EXOG: variants seen among roughly 807,000 people sequenced by gnomAD.
The protein encoded by EXOG is nuclease EXOG, mitochondrial.
Under a neutral mutation model 25.8 loss-of-function variants are expected in EXOG, and 27 were observed. The observed-to-expected ratio is 1.05, with a 90% CI of 0.77 to 1.45. EXOG has a LOEUF of 1.45. Among genes scored for constraint, EXOG ranks in the 40% most tolerant of loss-of-function variants. EXOG has a pLI of 0.00. For synonymous variants in EXOG, 133 were observed against 167.0 expected (o/e 0.80, Z 1.57); for missense variants, 458 against 450.5 (o/e 1.02, Z -0.15).
At chr3:38,518,207 A>G (rs2060605812) in intron 5 of EXOG, among the ~76,000 whole-genome samples, 1 of 152,220 alleles carries the variant, frequency 6.6e-6, no homozygotes, top group Admixed American at 6.5e-5. Flanking sequence ...ATATGCTGAG[A>G]AAACAGTTAA....
At chr3:38,497,075 C>CAA (rs5848435) in intron 1 of EXOG, 80,686 of 889,082 alleles carry the variant, frequency 0.091, 3,800 homozygotes, top group African/African-American at 0.37. Context: ...TTATATTTGA[C>CAA]AAAAAAAAAA....
chr3:38,499,998 G>T, intron 2 of EXOG: 1 of 221,250 alleles, frequency 4.5e-6, no homozygotes, highest in Non-Finnish European at 9.2e-6. Flanking sequence ...GTCTTGCAGT[G>T]TAGGAGACCC....
At chr3:38,523,875 C>T (rs2060799087) in intron 5 of EXOG, 26 bp from the exon 6 acceptor site, 4 of 1,499,046 alleles carry the variant, frequency 2.7e-6, no homozygotes, top group African/African-American at 2.8e-5. Flanking sequence ...AAATTGGCAT[C>T]ACTAATATGG....
rs139945103 is a variant in EXOG, at chr3:38,523,965, G to A, written c.710G>A (p.Ser237Asn). The A allele has an allele frequency of 5.5e-5, 88 of 1,610,710 alleles. No individual in the cohort carries two copies. Among genetic ancestry groups the A allele is most frequent in the Non-Finnish European group, 7.2e-5 (85 of 1,178,262 alleles). Residue 237 changes from serine to asparagine, a missense_variant, in exon 6 of 6, where the codon AGC (serine) becomes AAC (asparagine). Physicochemically the swap from Ser to Asn is conservative, Grantham distance 46. Transcript: ENST00000287675. Reference protein sequence around the residue: ...HLYKVILARRSSVSTEPLALG... With the variant: ...HLYKVILARRNSVSTEPLALG... ...TATAAGGTAATCCTGGCCCGCAGAA[G>A]CTCAGTATCTACCGAACCACTGGCG...
intron 1 of EXOG, chr3:38,496,762 A>C: frequency 6.8e-7 from 1 of 1,463,498 alleles, no homozygotes; most frequent in South Asian, 1.3e-5. Context: ...TTCTGCACAG[A>C]ACCACCCCCG....
intron 5 of EXOG, among the ~76,000 whole-genome samples, chr3:38,512,750 C>T (rs2125781929): frequency 6.6e-6 from 1 of 152,216 alleles, no homozygotes; most frequent in African/African-American, 2.4e-5. Flanking sequence ...ATGGCAAGTC[C>T]AGCCCATAGA....
At chr3:38,514,781 T>TTC (rs1342350290) in intron 5 of EXOG, among the ~76,000 whole-genome samples, 2 of 139,156 alleles carry the variant, frequency 1.4e-5, no homozygotes, top group Non-Finnish European at 3.1e-5. Context: ...CCCCCTGCTT[T>TTC]TTTTTTTGAG....
intron 3 of EXOG, 49 bp downstream of exon 3, chr3:38,501,543 A>G (rs2060043736): frequency 6.4e-7 from 1 of 1,555,210 alleles, no homozygotes; most frequent in Non-Finnish European, 8.9e-7. Context: ...GATGTTATGC[A>G]TACAACAGGA....
chr3:38,520,204 A>G (rs1260227788), intron 5 of EXOG, among the ~76,000 whole-genome samples: 1 of 152,148 alleles, frequency 6.6e-6, no homozygotes, highest in Non-Finnish European at 1.5e-5. Flanking sequence ...TGGGTGGCAC[A>G]GGTGGTGGTG....
intron 5 of EXOG, among the ~76,000 whole-genome samples, chr3:38,511,358 T>C (rs2060365024): frequency 6.6e-6 from 1 of 152,106 alleles, no homozygotes; most frequent in Admixed American, 6.5e-5. Flanking sequence ...ACAGAGAAAG[T>C]ATACGTTGTT....
chr3:38,506,923 C>T lies in EXOG; in HGVS notation c.600C>T (p.Thr200=), dbSNP rs1352514502. Residue 200 remains threonine (T), a synonymous_variant, in exon 5 of 6, where the codon ACC becomes ACT. Coordinates refer to ENST00000287675, the MANE Select transcript of EXOG (RefSeq NM_005107.4). ...TTTGGGTGGTATCTGGGCCTTTGAC[C>T]TTACCTCAGACTAGAGGCGATGGAA... The part of the protein sequence containing the change: ...EDVWVVSGPL[T]LPQTRGDGKK... 1 of 1,601,458 alleles carries T rather than the reference C, an allele frequency of 6.2e-7. No homozygotes were observed. The highest frequency in any genetic ancestry group is 8.6e-7 in the Non-Finnish European group (1 of 1,168,906).
intron 5 of EXOG, among the ~76,000 whole-genome samples, chr3:38,514,359 T>A (rs1274625848): frequency 6.6e-6 from 1 of 152,186 alleles, no homozygotes; most frequent in East Asian, 1.9e-4. Flanking sequence ...GTGGTATGAT[T>A]TAAGATGTGC....
chr3:38,512,201 A>G (rs1324768739), intron 5 of EXOG, among the ~76,000 whole-genome samples: 3 of 152,228 alleles, frequency 2.0e-5, no homozygotes, highest in African/African-American at 7.2e-5. Context: ...CATTAAAGTC[A>G]TAACTGGCAA....
At chr3:38,501,888 G>A (rs1489531076) in intron 3 of EXOG, among the ~76,000 whole-genome samples, 1 of 152,146 alleles carries the variant, frequency 6.6e-6, no homozygotes, top group African/African-American at 2.4e-5. Flanking sequence ...TGGGATTACA[G>A]GGGTGCGTCA....
intron 5 of EXOG, among the ~76,000 whole-genome samples, chr3:38,513,499 G>A (rs1447042786): frequency 1.3e-5 from 2 of 152,048 alleles, no homozygotes; most frequent in African/African-American, 4.8e-5. Flanking sequence ...CACAAACAAC[G>A]GAAAAACAGA....
chr3:38,522,303 T>G (rs892866129), intron 5 of EXOG, among the ~76,000 whole-genome samples: 3 of 152,184 alleles, frequency 2.0e-5, no homozygotes, highest in African/African-American at 7.2e-5. Context: ...CTGTCGTGTC[T>G]CTGTCTTATT....
At chr3:38,507,264 G>A (rs774887551) in intron 5 of EXOG, among the ~76,000 whole-genome samples, 2 of 152,210 alleles carry the variant, frequency 1.3e-5, no homozygotes, top group Non-Finnish European at 2.9e-5. Context: ...AACACACACA[G>A]TGTGGTCTTG....
rs1312563197 is a variant in EXOG at position 38,525,156 on chromosome 3, G to A, written c.*794G>A. 1 of 920,522 alleles carries A rather than the reference G, an allele frequency of 1.1e-6. No homozygotes were observed. The highest frequency in any genetic ancestry group is 1.2e-4 in the East Asian group (1 of 8,440). The allele number at this position is 920,522 out of a possible 1,614,324, so 57.0% of individuals were successfully genotyped here. A position where few individuals can be genotyped will look rare whatever the true frequency, so the allele number is the denominator to read the frequency against. On this transcript the variant is annotated 3_prime_UTR_variant, in exon 6 of 6. Transcript: ENST00000287675. ...TGCTTTACATGTGTTGTCTCACAATGACTCTCTGAGGTAAATACACTATCC... is the reference window on the plus strand; with the variant it reads ...TGCTTTACATGTGTTGTCTCACAATAACTCTCTGAGGTAAATACACTATCC...
chr3:38,496,851 C>A, intron 1 of EXOG: 1 of 1,312,412 alleles, frequency 7.6e-7, no homozygotes, highest in South Asian at 1.3e-5. Flanking sequence ...AGATTGTTAG[C>A]TCCATAAGAC....
Sources: allele counts gnomAD v4.1 joint callset (sites outside exome capture counted in the v4.1 genomes callset), GRCh38; gene constraint gnomAD v4.1.1; transcripts MANE v1.5; gene names NCBI Gene and HGNC (gene_info 2026-07-23, HGNC 2026-07-21).